Variants in HNRNPL observed in about 807,000 individuals in gnomAD.
The protein encoded by HNRNPL is heterogeneous nuclear ribonucleoprotein L, also known as epididymis secretory sperm binding protein.
A neutral mutation model predicts 64.0 loss-of-function variants in HNRNPL; 12 were observed. That is an observed-to-expected ratio of 0.19 (90% confidence interval 0.12 to 0.30). The LOEUF (loss-of-function observed/expected upper bound fraction) is 0.30, where lower values mean the gene tolerates loss of function less well. Ranked by LOEUF, HNRNPL falls within the 10% of genes least tolerant of loss-of-function variation. HNRNPL has a pLI of 1.00. For missense variants in HNRNPL, 484 were observed against 797.4 expected (o/e 0.61, Z 4.73); for synonymous variants, 385 against 313.0 (o/e 1.23, Z -2.43).
At chr19:38,842,073 GTTT>G (rs1048018763) in intron 6 of HNRNPL, 1 of 117,344 alleles carries the variant, frequency 8.5e-6, no homozygotes, top group Non-Finnish European at 2.1e-5. Flanking sequence ...GTCTGTTTTG[GTTT>G]TTTTGATTTT....
chr19:38,847,952 G>A (rs548303538), intron 1 of HNRNPL, among the ~76,000 whole-genome samples: 2 of 152,112 alleles, frequency 1.3e-5, no homozygotes, highest in African/African-American at 2.4e-5. Flanking sequence ...GGTTCAGTCA[G>A]GGCAAAAAAC....
chr19:38,849,297 T>G (rs1972414351), intron 1 of HNRNPL: 1 of 165,802 alleles, frequency 6.0e-6, no homozygotes. Flanking sequence ...CGCCCACCCG[T>G]TCCCGCTCAC....
intron 6 of HNRNPL, chr19:38,841,852 G>T: frequency 5.2e-6 from 2 of 381,042 alleles, no homozygotes; most frequent in South Asian, 3.9e-5. Context: ...TATGAAGTGG[G>T]TAGTGTCCCT....
chr19:38,847,464 T>C, intron 1 of HNRNPL, 30 bp from the exon 2 acceptor site: 2 of 1,370,460 alleles, frequency 1.5e-6, no homozygotes, highest in Non-Finnish European at 2.0e-6. Flanking sequence ...CAAGAATTAT[T>C]TTCTTGCTGT....
chr19:38,849,951 G>T lies in HNRNPL; in HGVS notation c.16C>A (p.Leu6Met), dbSNP rs1972455761. 3 of 1,352,174 alleles carry T rather than the reference G, an allele frequency of 2.2e-6. No individual in the cohort carries two copies. The highest frequency in any genetic ancestry group is 3.0e-5 in the African/African-American group (2 of 65,796). 83.8% of individuals were successfully genotyped at this position (1,352,174 alleles called of 1,614,324 possible). The change falls in exon 1 of 13, where the codon CTG becomes ATG. Residue 6 changes from leucine to methionine, a missense_variant. Transcript: ENST00000221419. ...CGACGCCGCTTCTCCGCCCGGGGCAGCAGCCTCCGCGACATGGCGGCGCAG... is the reference window on the plus strand; with the variant it reads ...CGACGCCGCTTCTCCGCCCGGGGCATCAGCCTCCGCGACATGGCGGCGCAG... MSRRL[L>M]PRAEKRRRRL...
At chr19:38,849,416 G>A in intron 1 of HNRNPL, 2 of 360,108 alleles carry the variant, frequency 5.6e-6, no homozygotes, top group Non-Finnish European at 9.8e-6. Flanking sequence ...CCGCGTGCCC[G>A]GCCCCCACAC....
rs1463136920 is a variant in HNRNPL at position 38,840,319 on chromosome 19, G to A, written c.1010C>T (p.Pro337Leu). 2.0e-6 allele frequency: 3 copies of A among 1,510,926 alleles called. No homozygotes were observed. The highest frequency in any genetic ancestry group is 2.7e-6 in the Non-Finnish European group (3 of 1,111,362). The allele number at this position is 1,510,926 out of a possible 1,614,324, so 93.6% of individuals were successfully genotyped here. A position where few individuals can be genotyped will look rare whatever the true frequency, so the allele number is the denominator to read the frequency against. The change falls in exon 8 of 13, where the codon CCA (proline) becomes CTA (leucine). Residue 337 changes from proline to leucine, a missense_variant. Coordinates refer to ENST00000221419, the MANE Select transcript of HNRNPL (RefSeq NM_001533.3). ...CATCCTTCTCCCTTCGTAGTGAGGT[G>A]GGGGGGGCCCGTAGCCCTCATCATG... ...HYHDEGYGPP[P>L]PHYEGRRMGP...
chr19:38,852,293 T>A (rs2145448553), upstream of HNRNPL: 1 of 146,762 alleles, frequency 6.8e-6, no homozygotes, highest in East Asian at 2.1e-4. Flanking sequence ...CCCCAGCCCC[T>A]ACCAGCTCGG....
chr19:38,837,831 AATT>A (rs1251008454), intron 10 of HNRNPL, among the ~76,000 whole-genome samples, 180 bp from the exon 11 acceptor site: 2 of 152,224 alleles, frequency 1.3e-5, no homozygotes, highest in Non-Finnish European at 2.9e-5. Context: ...AATGCTCTTT[AATT>A]ATTAAGTTGC....
chr19:38,850,486 G>A (rs1972473970), upstream of HNRNPL, among the ~76,000 whole-genome samples: 1 of 152,204 alleles, frequency 6.6e-6, no homozygotes, highest in South Asian at 2.1e-4. Flanking sequence ...GGAGAGTGGA[G>A]CGCACCCTCT....
At chr19:38,838,213 C>T (rs1410774298) in intron 10 of HNRNPL, among the ~76,000 whole-genome samples, 184 bp downstream of exon 10, 2 of 152,266 alleles carry the variant, frequency 1.3e-5, no homozygotes, top group Non-Finnish European at 2.9e-5. Flanking sequence ...GTGCCATTCT[C>T]ACCCTGTCCA....
rs564750967 is a variant in HNRNPL, at chr19:38,849,799, C to T, written c.168G>A (p.Arg56=). ...RYYGGGSEGG[R]APKRLKTDNA... The stretch of plus-strand genomic sequence containing the variant: ...TGTCAGTCTTGAGCCGCTTAGGGGC[C>T]CGGCCGCCCTCACTGCCGCCGCCGT... The change falls in exon 1 of 13, where the codon CGG becomes CGA. Residue 56 remains arginine, a synonymous_variant. Transcript: ENST00000221419. 2.2e-6 allele frequency: 3 copies of T among 1,371,172 alleles called. No homozygotes were observed. The highest frequency in any genetic ancestry group is 2.2e-5 in the Admixed American group (1 of 46,422). 84.9% of individuals were successfully genotyped at this position (1,371,172 alleles called of 1,614,324 possible).
At chr19:38,851,617 G>C (rs968985790), upstream of HNRNPL, among the ~76,000 whole-genome samples, 1 of 152,318 alleles carries the variant, frequency 6.6e-6, no homozygotes, top group African/African-American at 2.4e-5. Flanking sequence ...TTGAAATGGA[G>C]GCCGTGTGTG....
In HNRNPL at chr19:38,847,368, C is replaced by T; in HGVS notation, c.334G>A (p.Gly112Ser). 2 of 1,571,376 alleles carry T rather than the reference C, an allele frequency of 1.3e-6. No individual in the cohort carries two copies. The highest frequency in any genetic ancestry group is 1.8e-5 in the Admixed American group (1 of 54,714). ...PVVHIRGLID[G>S]VVEADLVEAL... ...TCCACAAGGTCTGCTTCCACCACAC[C>T]GTCAATCAGGCCCCTGATGTGGACA... The change falls in exon 2 of 13, where the codon GGT becomes AGT. Residue 112 changes from glycine to serine, a missense_variant. By Grantham distance (56) the Gly-to-Ser change is moderately conservative. Coordinates refer to ENST00000221419, the MANE Select transcript of HNRNPL (RefSeq NM_001533.3).
chr19:38,839,199 G>A (rs1972028399), intron 8 of HNRNPL, 184 bp from the exon 9 acceptor site: 2 of 652,780 alleles, frequency 3.1e-6, no homozygotes, highest in Non-Finnish European at 5.2e-6. Context: ...AGCAGAGCCT[G>A]GGCCATGTTT....
Position 38,840,076 on chromosome 19 carries a change from G to GGGGC in HNRNPL, c.1233+16_1233+19dup, listed in dbSNP as rs745468222. On this transcript the variant is annotated intron_variant, in intron 8 of 12. Transcript: ENST00000221419. ...ATACGAGGCTCAGCGAGGAACCCAG[G>GGGGC]GGGCCCGGCAGCAGCTCACCTTCTC... The GGGGC allele has an allele frequency of 1.2e-6, 2 of 1,612,854 alleles. No individual in the cohort carries two copies. The highest frequency in any genetic ancestry group is 1.7e-6 in the Non-Finnish European group (2 of 1,179,566).
chr19:38,843,827 GGTC>G lies in HNRNPL; in HGVS notation c.880+12_880+14del. ...AAGGCGGGTATGTTTAGAACAAAGT[GGTC>G]GTCAAGATTACCTTGTCCACTGAGA... On this transcript the variant is annotated intron_variant, in intron 6 of 12. Transcript: ENST00000221419. The G allele has an allele frequency of 6.2e-7, 1 of 1,606,176 alleles. No individual in the cohort carries two copies.
In HNRNPL at chr19:38,844,121, A is replaced by T; in HGVS notation, c.711-17T>A. 1 of 1,559,152 alleles carries T rather than the reference A, an allele frequency of 6.4e-7. No individual in the cohort carries two copies. The highest frequency in any genetic ancestry group is 8.9e-7 in the Non-Finnish European group (1 of 1,129,914). On this transcript the variant is annotated splice_polypyrimidine_tract_variant and intron_variant, in intron 4 of 12. Transcript: ENST00000221419. ...GAGTCAAATGTGAGTCAAGTTAAGG[A>T]AAGTCCCATCACAGGAGATCTTTGA...
chr19:38,846,358 CTA>C (rs1027997265), intron 2 of HNRNPL, among the ~76,000 whole-genome samples: 2 of 152,188 alleles, frequency 1.3e-5, no homozygotes, highest in African/African-American at 4.8e-5. Flanking sequence ...TGAGCTTACA[CTA>C]TGACAGTGCA....
Sources: allele counts gnomAD v4.1 joint callset (sites outside exome capture counted in the v4.1 genomes callset), GRCh38; gene constraint gnomAD v4.1.1; transcripts MANE v1.5; gene names NCBI Gene and HGNC (gene_info 2026-07-23, HGNC 2026-07-21).